Variants in RB1CC1 observed in about 807,000 individuals in gnomAD.
RB1CC1 encodes the protein RB1-inducible coiled-coil protein 1.
A neutral mutation model predicts 177.5 loss-of-function variants in RB1CC1; 46 were observed. That is an observed-to-expected ratio of 0.26 (90% CI 0.20 to 0.33). The LOEUF (loss-of-function observed/expected upper bound fraction) is 0.33. Ranked by LOEUF, RB1CC1 falls within the 10% of genes least tolerant of loss-of-function variation. The probability of loss-of-function intolerance (pLI) is 1.00; values close to 1 mark genes in which losing one functional copy is unlikely to be tolerated. For missense variants in RB1CC1, 1,703 were observed against 1,816.3 expected, an observed-to-expected ratio of 0.94 and a Z score of 1.13; for synonymous variants, 666 against 613.6, an observed-to-expected ratio of 1.09 and a Z score of -1.26.
intron 20 of RB1CC1, among the ~76,000 whole-genome samples, chr8:52,633,989 C>T (rs112220561): frequency 2.1e-4 from 32 of 152,270 alleles, no homozygotes; most frequent in East Asian, 1.5e-3. Flanking sequence ...CAGCGGCACT[C>T]GCCTGTACTC....
At chr8:52,703,634 A>G (rs1303523230) in intron 1 of RB1CC1, among the ~76,000 whole-genome samples, 1 of 152,200 alleles carries the variant, frequency 6.6e-6, no homozygotes, top group Non-Finnish European at 1.5e-5. Context: ...TTGTTCCTGA[A>G]GTACTGACAG....
intron 1 of RB1CC1, among the ~76,000 whole-genome samples, chr8:52,704,380 T>C (rs1273405186): frequency 2.1e-5 from 3 of 144,522 alleles, no homozygotes; most frequent in Admixed American, 7.0e-5. Context: ...AAAAGTTCAA[T>C]AATACTAATA....
chr8:52,711,776 T>A (rs567095579), intron 1 of RB1CC1, among the ~76,000 whole-genome samples: 1 of 152,376 alleles, frequency 6.6e-6, no homozygotes, highest in East Asian at 1.9e-4. Context: ...AATCTACCAT[T>A]ACTATCGCCT....
chr8:52,687,708 G>GTT (rs762310165), intron 1 of RB1CC1, among the ~76,000 whole-genome samples: 4 of 152,114 alleles, frequency 2.6e-5, no homozygotes, highest in Admixed American at 2.0e-4. Context: ...TCCTTTCCTA[G>GTT]TTGAGCCTCA....
At chr8:52,684,104 T>C (rs1854026361) in intron 3 of RB1CC1, 91 bp from the exon 4 acceptor site, 2 of 1,374,864 alleles carry the variant, frequency 1.5e-6, no homozygotes, top group Non-Finnish European at 1.9e-6. Context: ...ACCTTAGAGG[T>C]TAATGAATTT....
chr8:52,673,609 A>T (rs886606422), intron 7 of RB1CC1, among the ~76,000 whole-genome samples: 6 of 152,174 alleles, frequency 3.9e-5, no homozygotes, highest in Non-Finnish European at 5.9e-5. Context: ...TATGTAAATT[A>T]TTCTTATTGC....
At chr8:52,692,003 T>C (rs1374096572) in intron 1 of RB1CC1, among the ~76,000 whole-genome samples, 1 of 152,250 alleles carries the variant, frequency 6.6e-6, no homozygotes, top group Non-Finnish European at 1.5e-5. Flanking sequence ...TCATTTATCA[T>C]TACATGTAAT....
chr8:52,671,197 A>G (rs887770872), intron 7 of RB1CC1, among the ~76,000 whole-genome samples: 10 of 152,220 alleles, frequency 6.6e-5, no homozygotes, highest in African/African-American at 2.2e-4. Context: ...CTGCTATTCC[A>G]ATTCCAAATC....
intron 5 of RB1CC1, among the ~76,000 whole-genome samples, chr8:52,683,066 A>G (rs909296848): frequency 6.6e-6 from 1 of 152,214 alleles, no homozygotes; most frequent in African/African-American, 2.4e-5. Flanking sequence ...TATTACTAGA[A>G]GGTAAATAGT....
chr8:52,677,799 A>C (rs1853282815), intron 5 of RB1CC1, among the ~76,000 whole-genome samples: 1 of 152,182 alleles, frequency 6.6e-6, no homozygotes, highest in African/African-American at 2.4e-5. Flanking sequence ...GTGGGGAAAA[A>C]AACTCTGGAA....
chr8:52,623,204 C>CT lies in RB1CC1; in HGVS notation c.*577dup, dbSNP rs5891475. On this transcript the variant is annotated 3_prime_UTR_variant, in exon 24 of 24. Transcript: ENST00000025008. ...AAATCAGTCAATCAAATTACAGTTC[C>CT]TTTTTTTTTTTGAAACATCAAAGGG... 0.32 allele frequency: 47,841 copies of CT among 148,526 alleles called. 7,817 individuals carry two copies. The highest frequency in any genetic ancestry group is 0.42 in the African/African-American group (16,842 of 40,176). 9.2% of individuals were successfully genotyped at this position (148,526 alleles called of 1,614,324 possible).
At chr8:52,667,201 C>CA (rs1852143789) in intron 8 of RB1CC1, among the ~76,000 whole-genome samples, 1 of 151,946 alleles carries the variant, frequency 6.6e-6, no homozygotes, top group East Asian at 1.9e-4. Context: ...TTTCAAACAA[C>CA]AAAATTGAAC....
At chr8:52,703,275 G>A (rs1856252318) in intron 1 of RB1CC1, among the ~76,000 whole-genome samples, 1 of 151,872 alleles carries the variant, frequency 6.6e-6, no homozygotes, top group Non-Finnish European at 1.5e-5. Flanking sequence ...CTGCATATCG[G>A]GCTCTAACAA....
chr8:52,644,244 A>C (rs1025779614), intron 16 of RB1CC1, among the ~76,000 whole-genome samples: 2 of 152,180 alleles, frequency 1.3e-5, no homozygotes, highest in Non-Finnish European at 2.9e-5. Flanking sequence ...ACCTTAAATA[A>C]ATACAACTTA....
At chr8:52,708,464 T>C (rs531301446) in intron 1 of RB1CC1, among the ~76,000 whole-genome samples, 1 of 152,148 alleles carries the variant, frequency 6.6e-6, no homozygotes, top group East Asian at 1.9e-4. Flanking sequence ...TTGCAGTAAG[T>C]TGAGATCACA....
In RB1CC1 at chr8:52,674,095, T is replaced by C. The variant is rs756825144; in HGVS notation, c.752A>G (p.Asn251Ser). 1 of 1,614,156 alleles carries C rather than the reference T, an allele frequency of 6.2e-7. No homozygotes were observed. Among genetic ancestry groups the C allele is most frequent in the Non-Finnish European group, 8.5e-7 (1 of 1,180,026 alleles). ...GGGAAATGAGGTTAACAAAGATTCGTTAGTTGTTCTAGGCATATCAGGAGA... is the reference window on the plus strand; with the variant it reads ...GGGAAATGAGGTTAACAAAGATTCGCTAGTTGTTCTAGGCATATCAGGAGA... ...VLSPDMPRTTNESLLTSFPKS... is the reference protein window; with the variant it reads ...VLSPDMPRTTSESLLTSFPKS... Residue 251 changes from asparagine to serine, a missense_variant, in exon 7 of 24, where the codon AAC (asparagine) becomes AGC (serine). Coordinates refer to ENST00000025008, the MANE Select transcript of RB1CC1 (RefSeq NM_014781.5).
At position 52,657,537 on chromosome 8, in the gene RB1CC1, A is replaced by C. The variant is rs1436913937; in HGVS notation, c.2292T>G (p.Leu764=). The C allele has an allele frequency of 6.2e-7, 1 of 1,613,950 alleles. No homozygotes were observed. The highest frequency in any genetic ancestry group is 8.5e-7 in the Non-Finnish European group (1 of 1,180,018). Residue 764 remains leucine, a synonymous_variant, in exon 15 of 24, where the codon CTT becomes CTG. Transcript: ENST00000025008. ...CTATCGCATTGATAACTGATGAATA[A>C]AGTGATTCCACCATCATTTCTGGGC... ...PQSPEMMVES[L]YSSVINAIDS...
At chr8:52,709,162 A>G (rs1253883364) in intron 1 of RB1CC1, among the ~76,000 whole-genome samples, 1 of 152,140 alleles carries the variant, frequency 6.6e-6, no homozygotes, top group African/African-American at 2.4e-5. Context: ...AGCTGAGATC[A>G]TGCCATTGCA....
intron 8 of RB1CC1, among the ~76,000 whole-genome samples, chr8:52,662,729 A>G (rs934313836): frequency 6.6e-6 from 1 of 152,092 alleles, no homozygotes; most frequent in Admixed American, 6.5e-5. Flanking sequence ...AATGATATAT[A>G]CTGAAGTCAA....
Sources: gnomAD v4.1 joint callset for allele counts (sites outside exome capture counted in the v4.1 genomes callset) on GRCh38, gnomAD v4.1.1 for gene constraint, MANE v1.5 for transcripts, NCBI Gene and HGNC (gene_info 2026-07-23, HGNC 2026-07-21) for gene names.